The following C17orf67 variants were observed in gnomAD, a reference collection of about 807,000 sequenced individuals.
C17orf67 encodes the protein chromosome 17 open reading frame 67, also known as uncharacterized protein C17orf67.
In C17orf67, 12 loss-of-function variants were observed where a neutral mutation model predicts 11.2. The ratio of observed to expected loss-of-function variants is 1.07; its 90% CI spans 0.68 to 1.73. C17orf67 has a LOEUF of 1.73. Ranked by LOEUF, C17orf67 falls within the 40% of genes most tolerant of loss-of-function variation. C17orf67 has a pLI of 0.00. For synonymous variants in C17orf67, 59 were observed against 46.9 expected, an observed-to-expected ratio of 1.26 and a Z score of -1.05; for missense variants, 115 against 113.5, an observed-to-expected ratio of 1.01 and a Z score of -0.06.
chr17:56,814,293 T>C lies in C17orf67; in HGVS notation c.156+576A>G, dbSNP rs552006996. 3.4e-4 allele frequency among the ~76,000 whole-genome samples: 52 copies of C among 152,252 alleles called. 1 individual carries two copies. Among genetic ancestry groups the C allele is most frequent in the Non-Finnish European group, 2.4e-4 (16 of 68,012 alleles). ...CAGGAGGAACCAAGCCAGGCCTGAA[T>C]TGGGTCCGGGGCCAGCATAGCAGGG... On this transcript the variant is annotated intron_variant, in intron 6 of 7. Transcript: ENST00000397861.
chr17:56,804,396 G>A (rs1050422080), intron 6 of C17orf67: 5 of 152,168 alleles, frequency 3.3e-5, no homozygotes, highest in African/African-American at 1.2e-4. Flanking sequence ...TTGCTCATTA[G>A]TACAAGCAAG....
intron 2 of C17orf67, among the ~76,000 whole-genome samples, chr17:56,827,491 A>G (rs566210961): frequency 1.3e-5 from 2 of 152,370 alleles, no homozygotes; most frequent in South Asian, 4.1e-4. Context: ...CATTTTAACA[A>G]GATTCCCAGG....
At chr17:56,802,321 C>T (rs943951659) in intron 6 of C17orf67, among the ~76,000 whole-genome samples, 3 of 152,158 alleles carry the variant, frequency 2.0e-5, no homozygotes, top group Non-Finnish European at 4.4e-5. Flanking sequence ...GAGTCACAGC[C>T]ACACCAAGCA....
chr17:56,792,988 T>C (rs1183563113), intron 7 of C17orf67, among the ~76,000 whole-genome samples: 1 of 147,474 alleles, frequency 6.8e-6, no homozygotes, highest in African/African-American at 2.6e-5. Flanking sequence ...ATGGTGATGA[T>C]GTTGGTGGTG....
chr17:56,794,936 T>C, intron 7 of C17orf67, 108 bp downstream of exon 7: 1 of 720,182 alleles, frequency 1.4e-6, no homozygotes, highest in South Asian at 1.8e-5. Flanking sequence ...CATAACCAGC[T>C]AACCAGCTGG....
chr17:56,794,559 C>CA (rs1905172860), intron 7 of C17orf67, among the ~76,000 whole-genome samples: 1 of 152,084 alleles, frequency 6.6e-6, no homozygotes, highest in Admixed American at 6.5e-5. Flanking sequence ...AAGGGAAAGA[C>CA]AGAGGGTGGG....
chr17:56,797,758 T>C (rs1905240056), intron 6 of C17orf67, among the ~76,000 whole-genome samples: 1 of 152,186 alleles, frequency 6.6e-6, no homozygotes, highest in Non-Finnish European at 1.5e-5. Context: ...TGCTCTGCCC[T>C]TTATCAACAG....
chr17:56,798,520 C>T (rs1567792284), intron 6 of C17orf67, among the ~76,000 whole-genome samples: 1 of 152,100 alleles, frequency 6.6e-6, no homozygotes, highest in Non-Finnish European at 1.5e-5. Context: ...TTAGGGCTCA[C>T]TCTTGGTATT....
intron 7 of C17orf67, among the ~76,000 whole-genome samples, 188 bp from the exon 8 acceptor site, chr17:56,792,540 GTGA>G (rs1055533516): frequency 1.4e-5 from 2 of 141,622 alleles, no homozygotes; most frequent in Admixed American, 1.4e-4. Context: ...GGTGGTGGTG[GTGA>G]TGATGGTGTG....
chr17:56,820,807 TACAC>T (rs1227231117), intron 4 of C17orf67, among the ~76,000 whole-genome samples: 1 of 148,958 alleles, frequency 6.7e-6, no homozygotes, highest in Admixed American at 6.7e-5. Flanking sequence ...ACTGTCCCAT[TACAC>T]AGATATTTAA....
At chr17:56,794,740 C>T (rs1236127217) in intron 7 of C17orf67, among the ~76,000 whole-genome samples, 2 of 152,222 alleles carry the variant, frequency 1.3e-5, no homozygotes, top group African/African-American at 4.8e-5. Flanking sequence ...CAACAAAACA[C>T]ACTTCTCCAC....
intron 6 of C17orf67, among the ~76,000 whole-genome samples, chr17:56,813,735 T>C (rs1420183234): frequency 1.3e-5 from 2 of 151,988 alleles, no homozygotes; most frequent in Admixed American, 1.3e-4. Flanking sequence ...CTCAGAGGAG[T>C]ACTTACCATT....
chr17:56,827,649 G>C (rs866856680), intron 2 of C17orf67, among the ~76,000 whole-genome samples: 2 of 152,252 alleles, frequency 1.3e-5, no homozygotes, highest in South Asian at 2.1e-4. Flanking sequence ...ATCCTCTGTG[G>C]AGGTGGACCC....
intron 6 of C17orf67, among the ~76,000 whole-genome samples, chr17:56,812,565 G>C (rs1905655910): frequency 6.6e-6 from 1 of 152,178 alleles, no homozygotes; most frequent in South Asian, 2.1e-4. Flanking sequence ...GACATTGGAT[G>C]AAGTGTCTCT....
intron 2 of C17orf67, among the ~76,000 whole-genome samples, chr17:56,827,305 A>G (rs1906064231): frequency 6.6e-6 from 1 of 152,242 alleles, no homozygotes; most frequent in South Asian, 2.1e-4. Context: ...CATAAAATTA[A>G]CCAATCCAGG....
intron 4 of C17orf67, among the ~76,000 whole-genome samples, chr17:56,822,209 A>C (rs1192213987): frequency 2.0e-5 from 3 of 152,216 alleles, no homozygotes; most frequent in Non-Finnish European, 2.9e-5. Context: ...ACAATAGCTA[A>C]CTGATACAGA....
chr17:56,809,089 ACT>A (rs1283443481), intron 6 of C17orf67, among the ~76,000 whole-genome samples: 1 of 151,318 alleles, frequency 6.6e-6, no homozygotes, highest in Non-Finnish European at 1.5e-5. Flanking sequence ...ATGATCACTA[ACT>A]CTACTCATTT....
intron 4 of C17orf67, among the ~76,000 whole-genome samples, chr17:56,821,064 C>T (rs1354831575): frequency 6.6e-6 from 1 of 152,076 alleles, no homozygotes; most frequent in Non-Finnish European, 1.5e-5. Context: ...CGTGCACTAC[C>T]ATGCCCAGCT....
chr17:56,818,009 A>G (rs1480059233), intron 4 of C17orf67, among the ~76,000 whole-genome samples: 1 of 151,950 alleles, frequency 6.6e-6, no homozygotes, highest in African/African-American at 2.4e-5. Flanking sequence ...ATGCCCAGCT[A>G]ATTTTTGTAT....
Sources: gnomAD v4.1 joint callset for allele counts (sites outside exome capture counted in the v4.1 genomes callset) on GRCh38, gnomAD v4.1.1 for gene constraint, MANE v1.5 for transcripts, NCBI Gene and HGNC (gene_info 2026-07-23, HGNC 2026-07-21) for gene names.